COX10: variants seen among roughly 807,000 people sequenced by gnomAD.
COX10 encodes the protein protoheme IX farnesyltransferase, mitochondrial.
In COX10, 27 loss-of-function variants were observed where a neutral mutation model predicts 37.3. The observed-to-expected ratio is 0.72, with a 90% CI of 0.53 to 1.00. The LOEUF (loss-of-function observed/expected upper bound fraction) is 1.00. Among genes scored for constraint, COX10 ranks in the 50% least tolerant of loss-of-function variants. The pLI, the probability that COX10 is intolerant of heterozygous loss-of-function variation, is 0.00. For synonymous variants in COX10, 222 were observed against 229.1 expected (o/e 0.97, Z 0.28); for missense variants, 475 against 563.2 (o/e 0.84, Z 1.59).
At chr17:14,099,604 G>A (rs1182300597) in intron 3 of COX10, among the ~76,000 whole-genome samples, 1 of 151,884 alleles carries the variant, frequency 6.6e-6, no homozygotes, top group African/African-American at 2.4e-5. Context: ...CTTGATGCAT[G>A]TCCCCAAATA....
At chr17:14,153,800 T>C (rs180754385) in intron 4 of COX10, among the ~76,000 whole-genome samples, 53 of 152,352 alleles carry the variant, frequency 3.5e-4, no homozygotes, top group Admixed American at 2.8e-3. Context: ...CAGATGTTCA[T>C]AGCTGCTTTT....
chr17:14,083,155 A>G (rs1452744833), intron 3 of COX10, among the ~76,000 whole-genome samples: 2 of 152,168 alleles, frequency 1.3e-5, no homozygotes, highest in East Asian at 3.9e-4. Context: ...GTCCCAGGGC[A>G]GTAAATTTCC....
intron 6 of COX10, among the ~76,000 whole-genome samples, chr17:14,199,303 A>C (rs1371831494): frequency 6.6e-6 from 1 of 152,248 alleles, no homozygotes; most frequent in Non-Finnish European, 1.5e-5. Flanking sequence ...AGCAGAGTGC[A>C]CGTGTAACTA....
intron 4 of COX10, 116 bp downstream of exon 4, chr17:14,102,358 ACT>A: frequency 6.8e-7 from 1 of 1,464,630 alleles, no homozygotes; most frequent in Non-Finnish European, 9.4e-7. Context: ...CATTTGTAAC[ACT>A]ATATATCCTA....
In COX10 at chr17:14,147,067, C is replaced by T. The variant is rs544828413; in HGVS notation, c.625-12810C>T. ...GTGGGAATGTGAATTATTAGTAGAC[C>T]CAATATGGAGAACAGTTTGGAGGTT... On this transcript the variant is annotated intron_variant, in intron 4 of 6. Transcript: ENST00000261643. 2.6e-5 allele frequency among the ~76,000 whole-genome samples: 4 copies of T among 152,056 alleles called. No homozygotes were observed. In the East Asian group the frequency reaches 7.8e-4, roughly 29 times the overall value.
At chr17:14,193,234 A>T (rs1435211364) in intron 6 of COX10, among the ~76,000 whole-genome samples, 1 of 152,108 alleles carries the variant, frequency 6.6e-6, no homozygotes, top group Admixed American at 6.5e-5. Flanking sequence ...GGGGAGCCCG[A>T]CCCCACCGCT....
intron 4 of COX10, among the ~76,000 whole-genome samples, chr17:14,148,931 T>A (rs752050720): frequency 1.0e-3 from 155 of 148,218 alleles, no homozygotes; most frequent in Non-Finnish European, 1.9e-3. Context: ...AATATATTAC[T>A]AGGTAATTAT....
intron 4 of COX10, among the ~76,000 whole-genome samples, chr17:14,130,602 A>G (rs940796607): frequency 6.6e-6 from 1 of 152,054 alleles, no homozygotes; most frequent in African/African-American, 2.4e-5. Context: ...TTTTTTTCTA[A>G]GAGTTAAAGT....
chr17:14,164,173 T>C (rs1014292155), intron 5 of COX10, among the ~76,000 whole-genome samples: 1 of 152,238 alleles, frequency 6.6e-6, no homozygotes, highest in African/African-American at 2.4e-5. Flanking sequence ...GTGGTGGTGG[T>C]GTCCCATCAT....
intron 3 of COX10, among the ~76,000 whole-genome samples, chr17:14,101,635 C>T (rs1915785665): frequency 6.6e-6 from 1 of 152,186 alleles, no homozygotes; most frequent in African/African-American, 2.4e-5. Flanking sequence ...GGACCATCAT[C>T]TCTTATAGGC....
intron 4 of COX10, among the ~76,000 whole-genome samples, chr17:14,130,996 A>G (rs957772449): frequency 6.6e-6 from 1 of 152,178 alleles, no homozygotes; most frequent in Admixed American, 6.6e-5. Context: ...TCCCAGGATA[A>G]GGCACCTAGT....
intron 4 of COX10, among the ~76,000 whole-genome samples, chr17:14,130,084 T>C (rs1353369717): frequency 6.6e-6 from 1 of 152,130 alleles, no homozygotes; most frequent in Non-Finnish European, 1.5e-5. Flanking sequence ...CAACAAAAAT[T>C]AAGAATGTAA....
chr17:14,119,783 G>A (rs1420575772), intron 4 of COX10, among the ~76,000 whole-genome samples: 1 of 152,190 alleles, frequency 6.6e-6, no homozygotes, highest in African/African-American at 2.4e-5. Context: ...AGTGTTGAGT[G>A]AGATGAGGGT....
chr17:14,102,275 T>C, intron 4 of COX10, 33 bp downstream of exon 4: 1 of 1,612,940 alleles, frequency 6.2e-7, no homozygotes, highest in Non-Finnish European at 8.5e-7. Context: ...AATTATGTTA[T>C]TGTCACTTTT....
Position 14,182,860 on chromosome 17 carries a change from G to T in COX10, c.696-9129G>T, listed in dbSNP as rs544865622. Among the ~76,000 whole-genome samples the T allele has an allele frequency of 3.3e-3, 493 of 150,704 alleles. 6 individuals carry two copies. Among genetic ancestry groups the T allele is most frequent in the Non-Finnish European group, 7.3e-4 (49 of 67,548 alleles). ...CTCTGAGACATTACTTAACAGAAAA[G>T]CCACATTTTTCCAGGAAGTTATTTA... On this transcript the variant is annotated intron_variant, in intron 5 of 6. Coordinates refer to ENST00000261643, the MANE Select transcript of COX10 (RefSeq NM_001303.4).
chr17:14,146,214 A>G (rs970673932), intron 4 of COX10, among the ~76,000 whole-genome samples: 1 of 152,114 alleles, frequency 6.6e-6, no homozygotes, highest in Non-Finnish European at 1.5e-5. Flanking sequence ...TGACCAAATT[A>G]TAGTAACCAA....
intron 3 of COX10, among the ~76,000 whole-genome samples, chr17:14,096,892 G>A (rs1705312714): frequency 6.6e-6 from 1 of 152,036 alleles, no homozygotes; most frequent in African/African-American, 2.4e-5. Flanking sequence ...CCACCCAGGA[G>A]TGGGGATGAG....
chr17:14,148,224 G>A (rs1449727241), intron 4 of COX10, among the ~76,000 whole-genome samples: 2 of 152,124 alleles, frequency 1.3e-5, no homozygotes, highest in Admixed American at 6.6e-5. Context: ...GAATGCCAGA[G>A]CACACACATT....
At chr17:14,163,903 A>G (rs910943978) in intron 5 of COX10, among the ~76,000 whole-genome samples, 42 of 151,942 alleles carry the variant, frequency 2.8e-4, no homozygotes, top group Admixed American at 2.1e-3. Context: ...ACTCTATGCT[A>G]TGTATTTCAT....
Sources: allele counts gnomAD v4.1 joint callset (sites outside exome capture counted in the v4.1 genomes callset), GRCh38; gene constraint gnomAD v4.1.1; transcripts MANE v1.5; gene names NCBI Gene and HGNC (gene_info 2026-07-23, HGNC 2026-07-21).